The following SORD variants were observed in gnomAD, a reference collection of about 807,000 sequenced individuals.
SORD encodes (R,R)-butanediol dehydrogenase.
Under a neutral mutation model 35.6 loss-of-function variants are expected in SORD, and 18 were observed. That is an observed-to-expected ratio of 0.51 (90% confidence interval 0.35 to 0.75). SORD has a LOEUF of 0.75. SORD is among the 30% of genes least tolerant of loss of function. SORD has a pLI of 0.01. For missense variants in SORD, 250 were observed against 390.2 expected (o/e 0.64, Z 3.03); for synonymous variants, 106 against 152.9 (o/e 0.69, Z 2.26).
At chr15:45,026,442 G>C (rs1481709159) in intron 1 of SORD, among the ~76,000 whole-genome samples, 1 of 152,216 alleles carries the variant, frequency 6.6e-6, no homozygotes, top group Admixed American at 6.5e-5. Flanking sequence ...GAAGTGGGGA[G>C]AATTTGACTG....
intron 7 of SORD, among the ~76,000 whole-genome samples, chr15:45,071,148 G>T (rs1344012971): frequency 1.3e-5 from 2 of 152,194 alleles, no homozygotes; most frequent in Non-Finnish European, 2.9e-5. Flanking sequence ...CCTTGGTGCA[G>T]ATGCCATACC....
At chr15:45,037,594 T>C (rs773226984) in intron 1 of SORD, among the ~76,000 whole-genome samples, 40 of 152,136 alleles carry the variant, frequency 2.6e-4, no homozygotes, top group Admixed American at 8.5e-4. Flanking sequence ...ACCTGCAGTT[T>C]AACATTTCAC....
intron 3 of SORD, among the ~76,000 whole-genome samples, chr15:45,051,123 C>A (rs1893117196): frequency 6.6e-6 from 1 of 152,062 alleles, no homozygotes; most frequent in African/African-American, 2.4e-5. Context: ...TAAAACAAGA[C>A]AACAATTGTC....
At chr15:45,055,871 A>C (rs1893206584) in intron 3 of SORD, among the ~76,000 whole-genome samples, 2 of 152,192 alleles carry the variant, frequency 1.3e-5, no homozygotes, top group Admixed American at 1.3e-4. Flanking sequence ...GCATATAAAC[A>C]GAACCAAAGA....
intron 1 of SORD, 124 bp downstream of exon 1, chr15:45,023,473 C>T: frequency 1.2e-6 from 1 of 805,508 alleles, no homozygotes. Context: ...CCCTGGCTGC[C>T]CAGATCCCAG....
At chr15:45,041,527 G>C (rs1035771398) in intron 2 of SORD, among the ~76,000 whole-genome samples, 5 of 152,158 alleles carry the variant, frequency 3.3e-5, no homozygotes, top group Non-Finnish European at 5.9e-5. Flanking sequence ...CTTTGCTACT[G>C]AAAGGTCAGT....
chr15:45,073,310 G>T, intron 8 of SORD, 55 bp from the exon 9 acceptor site: 5 of 942,106 alleles, frequency 5.3e-6, no homozygotes, highest in Non-Finnish European at 7.6e-6. Flanking sequence ...GGTAGTTTGG[G>T]GCACCTGGCT....
At chr15:45,031,672 G>A (rs1446749401) in intron 1 of SORD, among the ~76,000 whole-genome samples, 1 of 151,898 alleles carries the variant, frequency 6.6e-6, no homozygotes, top group Admixed American at 6.6e-5. Context: ...GCCCAGGCTG[G>A]TCTGGAACTT....
intron 5 of SORD, among the ~76,000 whole-genome samples, chr15:45,067,456 C>T (rs904587625): frequency 1.2e-4 from 18 of 152,012 alleles, no homozygotes; most frequent in Non-Finnish European, 2.2e-4. Context: ...CTTTGTTGGA[C>T]ATTTCAGGTA....
At chr15:45,061,701 A>C (rs1893311882) in intron 4 of SORD, among the ~76,000 whole-genome samples, 1 of 151,852 alleles carries the variant, frequency 6.6e-6, no homozygotes, top group Admixed American at 6.6e-5. Context: ...CCCCATCTCT[A>C]CTAAAAAAAT....
At chr15:45,034,916 C>A (rs1382846590) in intron 1 of SORD, among the ~76,000 whole-genome samples, 1 of 152,328 alleles carries the variant, frequency 6.6e-6, no homozygotes, top group Non-Finnish European at 1.5e-5. Context: ...CTTGGCGGGC[C>A]CCGCACTCAG....
chr15:45,030,080 G>GATC (rs1263909979), intron 1 of SORD, among the ~76,000 whole-genome samples: 8 of 152,250 alleles, frequency 5.3e-5, no homozygotes, highest in Non-Finnish European at 1.2e-4. Context: ...GTCCAAACAG[G>GATC]AAGACAAGTT....
Position 45,036,199 on chromosome 15 carries a change from T to G in SORD, c.67-4209T>G, listed in dbSNP as rs530699851. 21 of 384,186 alleles carry G rather than the reference T, an allele frequency of 5.5e-5. No homozygotes were observed. The East Asian group carries it at 1.6e-3, about 29-fold the overall frequency. 23.8% of individuals were successfully genotyped at this position (384,186 alleles called of 1,614,324 possible). On this transcript the variant is annotated intron_variant, in intron 1 of 8. Transcript: ENST00000267814. The stretch of plus-strand genomic sequence containing the variant: ...ACGCCCCCTTTAGGAACTGTAACAC[T>G]CAATGCGAGGGTCCGCAGCTTCATT...
chr15:45,038,330 C>T (rs1373614011), intron 1 of SORD, among the ~76,000 whole-genome samples: 5 of 152,130 alleles, frequency 3.3e-5, no homozygotes, highest in Non-Finnish European at 4.4e-5. Context: ...AGTCTCATCA[C>T]ATGAAAAAGA....
At chr15:45,048,808 G>C (rs1893084571) in intron 3 of SORD, among the ~76,000 whole-genome samples, 1 of 152,124 alleles carries the variant, frequency 6.6e-6, no homozygotes, top group Non-Finnish European at 1.5e-5. Flanking sequence ...AGCAAAAGAG[G>C]GTTGCTGTTT....
At chr15:45,042,499 AAAATAAATAAAT>A (rs531723399) in intron 2 of SORD, 13 of 150,774 alleles carry the variant, frequency 8.6e-5, no homozygotes, top group Admixed American at 2.6e-4. Flanking sequence ...CTAAAAATAA[AAAATAAATAAAT>A]AAATAAATAA....
At chr15:45,035,824 C>T (rs1178606883) in intron 1 of SORD, among the ~76,000 whole-genome samples, 2 of 151,810 alleles carry the variant, frequency 1.3e-5, no homozygotes, top group African/African-American at 4.8e-5. Context: ...GCCTTAAGAG[C>T]TGTAACACTC....
chr15:45,037,312 T>C lies in SORD; in HGVS notation c.67-3096T>C, dbSNP rs56308554. ...TGGTACGAGCACAGCTGTTCAGCTC[T>C]GTTAACTTGAATAAATATTTACAGT... is the stretch of plus-strand genomic sequence containing the variant. On this transcript the variant is annotated intron_variant, in intron 1 of 8. Transcript: ENST00000267814. Among the ~76,000 whole-genome samples the C allele has an allele frequency of 8.5e-3, 1,290 of 152,352 alleles. 22 individuals are homozygous for C. Among genetic ancestry groups the C allele is most frequent in the African/African-American group, 0.03 (1,231 of 41,568 alleles).
chr15:45,037,957 TAAAGTA>T (rs1339406294), intron 1 of SORD, among the ~76,000 whole-genome samples: 7 of 149,344 alleles, frequency 4.7e-5, no homozygotes, highest in Non-Finnish European at 1.0e-4. Flanking sequence ...TCCCAGAACT[TAAAGTA>T]AAAAAAAAAA....
Sources: allele counts gnomAD v4.1 joint callset (sites outside exome capture counted in the v4.1 genomes callset), GRCh38; gene constraint gnomAD v4.1.1; transcripts MANE v1.5; gene names NCBI Gene and HGNC (gene_info 2026-07-23, HGNC 2026-07-21).